The following NOS1AP variants were observed in gnomAD, a reference collection of about 807,000 sequenced individuals.
The protein encoded by NOS1AP is nitric oxide synthase 1 adaptor protein.
A neutral mutation model predicts 56.2 loss-of-function variants in NOS1AP; 21 were observed. The ratio of observed to expected loss-of-function variants is 0.37; its 90% confidence interval spans 0.26 to 0.54. The LOEUF (loss-of-function observed/expected upper bound fraction) is 0.54, where lower values mean the gene tolerates loss of function less well. NOS1AP is among the 20% of genes least tolerant of loss of function. NOS1AP has a pLI of 0.84. For missense variants in NOS1AP, 522 were observed against 657.8 expected (o/e 0.79, Z 2.26); for synonymous variants, 270 against 274.6 (o/e 0.98, Z 0.17).
At chr1:162,102,844 G>A (rs1355883776) in intron 1 of NOS1AP, among the ~76,000 whole-genome samples, 6 of 151,824 alleles carry the variant, frequency 4.0e-5, no homozygotes, top group African/African-American at 1.5e-4. Flanking sequence ...TTATTAGTCT[G>A]GCTAGTGGTC....
At chr1:162,162,916 C>T (rs1042414380) in intron 2 of NOS1AP, among the ~76,000 whole-genome samples, 11 of 152,072 alleles carry the variant, frequency 7.2e-5, no homozygotes, top group South Asian at 2.1e-4. Flanking sequence ...ATGTTTGGGG[C>T]GCGAACCCCA....
intron 1 of NOS1AP, among the ~76,000 whole-genome samples, chr1:162,111,601 G>A (rs1037773691): frequency 1.1e-4 from 17 of 152,130 alleles, no homozygotes; most frequent in Non-Finnish European, 2.1e-4. Flanking sequence ...TGATTTTGGC[G>A]TCTTAAACGG....
chr1:162,189,195 GT>G (rs1176948284), intron 2 of NOS1AP, among the ~76,000 whole-genome samples: 2 of 152,148 alleles, frequency 1.3e-5, no homozygotes, highest in Non-Finnish European at 2.9e-5. Flanking sequence ...TCTAAGAACA[GT>G]TTTTTATATG....
At chr1:162,206,802 C>T (rs1328652551) in intron 2 of NOS1AP, among the ~76,000 whole-genome samples, 2 of 152,176 alleles carry the variant, frequency 1.3e-5, no homozygotes, top group Non-Finnish European at 2.9e-5. Context: ...TTCATTTTAC[C>T]TCATTGAGCC....
intron 1 of NOS1AP, among the ~76,000 whole-genome samples, chr1:162,095,854 T>C (rs1692229426): frequency 6.6e-6 from 1 of 152,192 alleles, no homozygotes; most frequent in South Asian, 2.1e-4. Flanking sequence ...ATTGTGGAGA[T>C]TAAATAACGT....
At chr1:162,084,852 G>A (rs180683033) in intron 1 of NOS1AP, among the ~76,000 whole-genome samples, 44 of 151,994 alleles carry the variant, frequency 2.9e-4, no homozygotes, top group African/African-American at 1.0e-3. Flanking sequence ...TGGATTTTTT[G>A]TAGAGTTTTG....
chr1:162,245,081 G>A (rs1216081819), intron 2 of NOS1AP, among the ~76,000 whole-genome samples: 1 of 152,146 alleles, frequency 6.6e-6, no homozygotes, highest in Non-Finnish European at 1.5e-5. Context: ...GGAAAGAGAG[G>A]AAACTAGTAG....
chr1:162,271,326 C>T (rs184481915), intron 2 of NOS1AP, among the ~76,000 whole-genome samples: 193 of 146,998 alleles, frequency 1.3e-3, no homozygotes, highest in African/African-American at 4.5e-3. Flanking sequence ...ACCCAGAAGT[C>T]CAGTGATGTA....
intron 1 of NOS1AP, among the ~76,000 whole-genome samples, chr1:162,070,532 C>T (rs1570985027): frequency 6.6e-6 from 1 of 152,240 alleles, no homozygotes; most frequent in African/African-American, 2.4e-5. Context: ...CAGACTCCCC[C>T]ATCCTTACCC....
chr1:162,280,254 A>C (rs1299797957), intron 2 of NOS1AP, among the ~76,000 whole-genome samples: 1 of 152,234 alleles, frequency 6.6e-6, no homozygotes, highest in African/African-American at 2.4e-5. Flanking sequence ...CCAAAGTAAT[A>C]CTTTTTATTT....
chr1:162,139,360 G>A (rs1313153940), intron 1 of NOS1AP, among the ~76,000 whole-genome samples: 1 of 152,142 alleles, frequency 6.6e-6, no homozygotes, highest in Admixed American at 6.5e-5. Flanking sequence ...GCTCTACCCT[G>A]CTGTCCATTC....
chr1:162,164,861 G>A (rs1195907262), intron 2 of NOS1AP, among the ~76,000 whole-genome samples: 1 of 152,140 alleles, frequency 6.6e-6, no homozygotes, highest in East Asian at 1.9e-4. Context: ...TCTGCTGGGA[G>A]CGCAAACCTC....
chr1:162,345,017 GTTTGT>G (rs1307805124), intron 6 of NOS1AP, among the ~76,000 whole-genome samples: 1 of 151,886 alleles, frequency 6.6e-6, no homozygotes, highest in Admixed American at 6.6e-5. Context: ...ATAAAAATGT[GTTTGT>G]TACCTACGAA....
Position 162,300,673 on chromosome 1 carries a change from G to A in NOS1AP, c.311G>A (p.Ser104Asn), listed in dbSNP as rs41271967. 5,687 of 1,614,034 alleles carry A rather than the reference G, an allele frequency of 3.5e-3. 17 individuals carry two copies. Among genetic ancestry groups the A allele is most frequent in the Non-Finnish European group, 3.6e-3 (4,264 of 1,179,962 alleles). The change falls in exon 4 of 10, where the codon AGC becomes AAC. Residue 104 changes from serine (S) to asparagine (N), a missense_variant. Physicochemically the swap from Ser to Asn is conservative, Grantham distance 46 (BLOSUM62 1). Coordinates refer to ENST00000361897, the MANE Select transcript of NOS1AP (RefSeq NM_014697.3). The part of the protein sequence containing the change: ...LQKKEWTWDE[S>N]KMLVMQDPIY... ...AAAAAGGAATGGACGTGGGATGAGAGCAAGATGCTGGTGATGCAGGACCCC... is the reference window on the plus strand; with the variant it reads ...AAAAAGGAATGGACGTGGGATGAGAACAAGATGCTGGTGATGCAGGACCCC...
chr1:162,142,125 C>G (rs1649261568), intron 1 of NOS1AP, among the ~76,000 whole-genome samples: 1 of 152,176 alleles, frequency 6.6e-6, no homozygotes, highest in South Asian at 2.1e-4. Context: ...GATATTAACT[C>G]ACAACTCTGA....
intron 2 of NOS1AP, among the ~76,000 whole-genome samples, chr1:162,202,346 A>G (rs1652022275): frequency 6.6e-6 from 1 of 152,278 alleles, no homozygotes; most frequent in African/African-American, 2.4e-5. Context: ...CACTACTAGC[A>G]TTTGGCACAT....
At chr1:162,177,848 T>C (rs1651117685) in intron 2 of NOS1AP, among the ~76,000 whole-genome samples, 1 of 152,204 alleles carries the variant, frequency 6.6e-6, no homozygotes. Flanking sequence ...TGACACATCA[T>C]TATCACTCAG....
chr1:162,324,416 C>CTTTTTTTTTTTTTTTTTTT (rs35946766), intron 4 of NOS1AP, among the ~76,000 whole-genome samples: 2 of 72,148 alleles, frequency 2.8e-5, no homozygotes, highest in Non-Finnish European at 5.5e-5. Flanking sequence ...GGACACTAGC[C>CTTTTTTTTTTTTTTTTTTT]TTTTTTTTTT....
intron 1 of NOS1AP, among the ~76,000 whole-genome samples, chr1:162,101,571 A>G (rs906059462): frequency 6.6e-6 from 1 of 152,240 alleles, no homozygotes; most frequent in South Asian, 2.1e-4. Flanking sequence ...CCTATCCATG[A>G]GGATGGAATG....
Sources: allele counts gnomAD v4.1 joint callset (sites outside exome capture counted in the v4.1 genomes callset), GRCh38; gene constraint gnomAD v4.1.1; transcripts MANE v1.5; gene names NCBI Gene and HGNC (gene_info 2026-07-23, HGNC 2026-07-21).